Variants in ABCG2 observed in about 807,000 individuals in gnomAD.
ABCG2 encodes the protein broad substrate specificity ATP-binding cassette transporter ABCG2.
In ABCG2, 80 loss-of-function variants were observed where a neutral mutation model predicts 73.5. The ratio of observed to expected loss-of-function variants is 1.09; its 90% CI spans 0.91 to 1.31. ABCG2 has a LOEUF of 1.31. ABCG2 is among the 50% of genes most tolerant of loss of function. The pLI is 0.00. For missense variants in ABCG2, 796 were observed against 786.2 expected, an observed-to-expected ratio of 1.01 and a Z score of -0.15; for synonymous variants, 269 against 282.4, an observed-to-expected ratio of 0.95 and a Z score of 0.48.
chr4:88,095,252 T>A (rs1169769072), intron 14 of ABCG2, among the ~76,000 whole-genome samples: 1 of 152,224 alleles, frequency 6.6e-6, no homozygotes, highest in Non-Finnish European at 1.5e-5. Flanking sequence ...AATGCAACAA[T>A]GTGTTTTTCA....
At chr4:88,178,674 C>A (rs1314610123) in intron 1 of ABCG2, among the ~76,000 whole-genome samples, 1 of 152,096 alleles carries the variant, frequency 6.6e-6, no homozygotes, top group Non-Finnish European at 1.5e-5. Context: ...CTGCCCTAAG[C>A]CAGAGGGGAG....
At chr4:88,182,165 T>C (rs1728279636) in intron 1 of ABCG2, among the ~76,000 whole-genome samples, 1 of 152,074 alleles carries the variant, frequency 6.6e-6, no homozygotes, top group South Asian at 2.1e-4. Flanking sequence ...AAGACCATTA[T>C]ATAATGATAA....
At chr4:88,162,661 A>G (rs1237035101), upstream of ABCG2, among the ~76,000 whole-genome samples, 1 of 152,204 alleles carries the variant, frequency 6.6e-6, no homozygotes, top group Non-Finnish European at 1.5e-5. Flanking sequence ...GAAATGAGTC[A>G]TTTTAACTTG....
At chr4:88,164,994 T>C (rs1050511202) in intron 1 of ABCG2, among the ~76,000 whole-genome samples, 4 of 152,158 alleles carry the variant, frequency 2.6e-5, no homozygotes, top group African/African-American at 9.7e-5. Context: ...CCTCAGCTGG[T>C]CTTGAACTCC....
intron 2 of ABCG2, among the ~76,000 whole-genome samples, chr4:88,134,268 C>T (rs1231655382): frequency 6.6e-6 from 1 of 152,200 alleles, no homozygotes; most frequent in Non-Finnish European, 1.5e-5. Flanking sequence ...ACCCAAGACT[C>T]CCTGAGCATT....
intron 3 of ABCG2, 115 bp downstream of exon 3, chr4:88,132,461 C>A: frequency 9.0e-7 from 1 of 1,106,804 alleles, no homozygotes. Context: ...TAGAACCAGA[C>A]CTGACATGCG....
chr4:88,194,012 T>C (rs1302028909), intron 1 of ABCG2, among the ~76,000 whole-genome samples: 1 of 152,152 alleles, frequency 6.6e-6, no homozygotes, highest in Non-Finnish European at 1.5e-5. Flanking sequence ...CCCAACCTAA[T>C]GGGATTACAG....
intron 2 of ABCG2, among the ~76,000 whole-genome samples, chr4:88,136,687 C>G (rs965712701): frequency 6.6e-6 from 1 of 152,032 alleles, no homozygotes; most frequent in Non-Finnish European, 1.5e-5. Context: ...GCCTGGGCAA[C>G]AACGTAAGAC....
intron 1 of ABCG2, among the ~76,000 whole-genome samples, chr4:88,226,016 C>T (rs143483176): frequency 1.8e-4 from 28 of 152,242 alleles, no homozygotes; most frequent in African/African-American, 6.7e-4. Flanking sequence ...CCCACCGGGT[C>T]CCTCCCACAA....
intron 9 of ABCG2, among the ~76,000 whole-genome samples, chr4:88,111,965 T>C (rs972915603): frequency 3.3e-5 from 5 of 151,860 alleles, no homozygotes; most frequent in Non-Finnish European, 7.4e-5. Context: ...TGCACGGCTG[T>C]AGTCACAGCT....
chr4:88,202,275 T>A (rs1729198336), intron 1 of ABCG2, among the ~76,000 whole-genome samples: 2 of 143,728 alleles, frequency 1.4e-5, no homozygotes, highest in East Asian at 2.1e-4. Flanking sequence ...CCTTGGGAGG[T>A]CGAGGCAGGG....
chr4:88,212,746 A>C (rs1487666650), intron 1 of ABCG2, among the ~76,000 whole-genome samples: 1 of 152,112 alleles, frequency 6.6e-6, no homozygotes, highest in Admixed American at 6.6e-5. Context: ...AAATGCCCTC[A>C]GCTCCTCTGC....
chr4:88,153,632 G>A (rs894663400), intron 1 of ABCG2, among the ~76,000 whole-genome samples: 30 of 152,016 alleles, frequency 2.0e-4, no homozygotes, highest in Non-Finnish European at 3.7e-4. Flanking sequence ...CTATTGAACC[G>A]TATAGAGGTG....
At chr4:88,161,125 G>A (rs1727281906), upstream of ABCG2, among the ~76,000 whole-genome samples, 1 of 151,906 alleles carries the variant, frequency 6.6e-6, no homozygotes, top group Non-Finnish European at 1.5e-5. Context: ...ACAAGCCTAG[G>A]CAACACAGGG....
At chr4:88,226,464 A>C (rs1560468292) in intron 1 of ABCG2, among the ~76,000 whole-genome samples, 1 of 152,218 alleles carries the variant, frequency 6.6e-6, no homozygotes, top group Non-Finnish European at 1.5e-5. Flanking sequence ...TGGTGTTTCT[A>C]TTGTAAAGTA....
chr4:88,194,477 G>A (rs1728849549), intron 1 of ABCG2, among the ~76,000 whole-genome samples: 1 of 145,888 alleles, frequency 6.9e-6, no homozygotes, highest in Admixed American at 7.1e-5. Flanking sequence ...GTGAACCTGG[G>A]AGGCGGAGCT....
intron 1 of ABCG2, among the ~76,000 whole-genome samples, chr4:88,156,218 T>C (rs1726926548): frequency 6.6e-6 from 1 of 151,484 alleles, no homozygotes; most frequent in Admixed American, 6.6e-5. Context: ...TACTAAAAAA[T>C]ACAAAAAGTA....
intron 1 of ABCG2, among the ~76,000 whole-genome samples, chr4:88,196,126 G>A (rs1342368864): frequency 6.6e-6 from 1 of 152,146 alleles, no homozygotes; most frequent in Non-Finnish European, 1.5e-5. Context: ...ACATTCCTGG[G>A]TTGGGGGTCG....
intron 1 of ABCG2, among the ~76,000 whole-genome samples, chr4:88,211,266 A>C (rs1299776246): frequency 1.3e-5 from 2 of 151,574 alleles, no homozygotes; most frequent in Admixed American, 1.3e-4. Context: ...TTTGTTACAT[A>C]AGCAGATTGC....
Sources: allele counts gnomAD v4.1 joint callset (sites outside exome capture counted in the v4.1 genomes callset), GRCh38; gene constraint gnomAD v4.1.1; transcripts MANE v1.5; gene names NCBI Gene and HGNC (gene_info 2026-07-23, HGNC 2026-07-21).